Variants in BAZ2B observed in about 807,000 individuals in gnomAD.
BAZ2B encodes bromodomain adjacent to zinc finger domain 2B.
A neutral mutation model predicts 246.0 loss-of-function variants in BAZ2B; 91 were observed. That is an observed-to-expected ratio of 0.37 (90% CI 0.31 to 0.44). The LOEUF is 0.44. Among genes scored for constraint, BAZ2B ranks in the 20% least tolerant of loss-of-function variants. BAZ2B has a pLI of 1.00. For synonymous variants in BAZ2B, 855 were observed against 860.0 expected (o/e 0.99, Z 0.10); for missense variants, 2,332 against 2,533.7 (o/e 0.92, Z 1.71).
the BAZ2B span, among the ~76,000 whole-genome samples, chr2:159,658,660 G>C: frequency 6.6e-6 from 1 of 152,122 alleles, no homozygotes; most frequent in African/African-American, 2.4e-5. Flanking sequence ...TGGGACTACA[G>C]GCACGCACCA....
At chr2:159,389,304 TA>T (rs756883484) in intron 21 of BAZ2B, 40 bp downstream of exon 21, 22 of 1,515,858 alleles carry the variant, frequency 1.5e-5, no homozygotes, top group Middle Eastern at 1.8e-4. Flanking sequence ...CTGGAAAAAT[TA>T]AACTTATGAA....
rs1578799338 is a variant in BAZ2B, at chr2:159,598,786, T to G, written c.-46+17456A>C. Reference sequence around the variant, plus strand: ...GTTGCTTGAACCCGGGAGGCAGAGGTTGCAGTGTGCCAAGATTGAGCCACT... The same window carrying G: ...GTTGCTTGAACCCGGGAGGCAGAGGGTGCAGTGTGCCAAGATTGAGCCACT... On this transcript the variant is annotated intron_variant, in intron 1 of 36. Transcript: ENST00000392783. 2.0e-5 allele frequency among the ~76,000 whole-genome samples: 3 copies of G among 152,006 alleles called. No individual in the cohort carries two copies. The East Asian group carries it at 5.8e-4, about 29-fold the overall frequency.
intron 3 of BAZ2B, among the ~76,000 whole-genome samples, chr2:159,476,949 A>C (rs1010698155): frequency 1.3e-5 from 2 of 152,214 alleles, no homozygotes; most frequent in Non-Finnish European, 2.9e-5. Flanking sequence ...AAATGTGAAC[A>C]AACTTGTTAA....
intron 25 of BAZ2B, among the ~76,000 whole-genome samples, chr2:159,380,436 C>T (rs1487984410): frequency 6.6e-6 from 1 of 152,154 alleles, no homozygotes; most frequent in Non-Finnish European, 1.5e-5. Flanking sequence ...TATCACACTG[C>T]TTTAACACTG....
rs148225719 is a variant in BAZ2B at position 159,332,098 on chromosome 2, G to A, written c.5943+442C>T. 4.6e-3 allele frequency among the ~76,000 whole-genome samples: 703 copies of A among 152,228 alleles called. 4 individuals are homozygous for A. The highest frequency in any genetic ancestry group is 0.016 in the African/African-American group (676 of 41,524). ...CTTACTGTTAATAATTAGGTTAAGA[G>A]ATTAAACATGGGAGAAAGTAACTGA... On this transcript the variant is annotated intron_variant, in intron 34 of 36. Transcript: ENST00000392783.
At chr2:159,350,404 C>G (rs1435334110) in intron 27 of BAZ2B, 47 bp from the exon 28 acceptor site, 1 of 1,387,314 alleles carries the variant, frequency 7.2e-7, no homozygotes, top group African/African-American at 1.5e-5. Context: ...CCAGATCAAA[C>G]CAATACTGTA....
At chr2:159,491,684 G>GCACTC (rs1480314635) in intron 2 of BAZ2B, among the ~76,000 whole-genome samples, 1 of 120,180 alleles carries the variant, frequency 8.3e-6, no homozygotes, top group African/African-American at 3.3e-5. Flanking sequence ...TCCCGCCACT[G>GCACTC]CACTCCAGCC....
At chr2:159,345,989 C>T (rs2067711135) in intron 31 of BAZ2B, among the ~76,000 whole-genome samples, 1 of 152,128 alleles carries the variant, frequency 6.6e-6, no homozygotes, top group Non-Finnish European at 1.5e-5. Context: ...GATCCAAAAA[C>T]ACATTAAAAA....
chr2:159,680,173 T>C, the BAZ2B span, among the ~76,000 whole-genome samples: 921 of 152,164 alleles, frequency 6.1e-3, 7 homozygotes, highest in African/African-American at 0.021. Flanking sequence ...ATCCAATGTA[T>C]ACAAGAGAAA....
intron 1 of BAZ2B, among the ~76,000 whole-genome samples, chr2:159,558,555 C>T (rs1049093041): frequency 4.6e-5 from 7 of 151,902 alleles, no homozygotes; most frequent in Non-Finnish European, 8.8e-5. Context: ...CCACTGTGCC[C>T]GGCTCCAGCA....
the BAZ2B span, chr2:159,693,261 G>A: frequency 1.3e-5 from 2 of 152,106 alleles, no homozygotes; most frequent in African/African-American, 4.8e-5. Flanking sequence ...ACGGAGCATT[G>A]AGAATATCTT....
intron 13 of BAZ2B, 75 bp from the exon 14 acceptor site, chr2:159,412,620 C>A (rs2066994536): frequency 7.1e-7 from 1 of 1,400,822 alleles, no homozygotes; most frequent in Non-Finnish European, 9.7e-7. Flanking sequence ...TAAGAAAATT[C>A]TAGCTAAAAA....
chr2:159,597,381 CT>C (rs1266800189), intron 1 of BAZ2B, among the ~76,000 whole-genome samples: 1 of 152,052 alleles, frequency 6.6e-6, no homozygotes, highest in Non-Finnish European at 1.5e-5. Context: ...TATTCTATAC[CT>C]TCTGTGTAAA....
At chr2:159,416,436 T>C (rs1162245267) in intron 13 of BAZ2B, among the ~76,000 whole-genome samples, 2 of 152,212 alleles carry the variant, frequency 1.3e-5, no homozygotes, top group Non-Finnish European at 2.9e-5. Flanking sequence ...TTTTATTATG[T>C]TCTTAAGCAC....
intron 13 of BAZ2B, among the ~76,000 whole-genome samples, chr2:159,416,394 G>A (rs1188606158): frequency 6.6e-6 from 1 of 152,128 alleles, no homozygotes; most frequent in East Asian, 1.9e-4. Context: ...TCACCAGCAT[G>A]GGAAGCTTTT....
chr2:159,431,925 GT>G (rs1264811816), intron 9 of BAZ2B, among the ~76,000 whole-genome samples: 1 of 152,058 alleles, frequency 6.6e-6, no homozygotes, highest in East Asian at 1.9e-4. Context: ...ATAAAAGTTA[GT>G]TTTGAAAGTT....
At chr2:159,649,935 C>T in the BAZ2B span, among the ~76,000 whole-genome samples, 1 of 152,024 alleles carries the variant, frequency 6.6e-6, no homozygotes, top group Non-Finnish European at 1.5e-5. Flanking sequence ...CTCTTTATGC[C>T]TTCCTTTGAA....
chr2:159,659,188 T>G, the BAZ2B span, among the ~76,000 whole-genome samples: 3 of 152,226 alleles, frequency 2.0e-5, no homozygotes, highest in Non-Finnish European at 4.4e-5. Flanking sequence ...TTTTGTAATC[T>G]GGCTTCCTAG....
chr2:159,364,456 G>A (rs1484364574), intron 27 of BAZ2B, among the ~76,000 whole-genome samples: 1 of 152,090 alleles, frequency 6.6e-6, no homozygotes, highest in East Asian at 1.9e-4. Context: ...GCTGTGATGC[G>A]ATCGTGGCTC....
Sources: gnomAD v4.1 joint callset for allele counts (sites outside exome capture counted in the v4.1 genomes callset) on GRCh38, gnomAD v4.1.1 for gene constraint, MANE v1.5 for transcripts, NCBI Gene and HGNC (gene_info 2026-07-23, HGNC 2026-07-21) for gene names.